GPC5: variants seen among roughly 807,000 people sequenced by gnomAD.
The protein encoded by GPC5 is glypican-5.
In GPC5, 47 loss-of-function variants were observed where a neutral mutation model predicts 53.9. The ratio of observed to expected loss-of-function variants is 0.87; its 90% confidence interval spans 0.69 to 1.11. The LOEUF (loss-of-function observed/expected upper bound fraction) is 1.11. Ranked by LOEUF, GPC5 falls within the 50% of genes most tolerant of loss-of-function variation. The pLI is 0.00. For missense variants in GPC5, 748 were observed against 713.1 expected (o/e 1.05, Z -0.56); for synonymous variants, 286 against 263.3 (o/e 1.09, Z -0.84).
intron 2 of GPC5, among the ~76,000 whole-genome samples, chr13:91,687,681 C>G (rs1456241420): frequency 6.6e-6 from 1 of 152,006 alleles, no homozygotes; most frequent in Non-Finnish European, 1.5e-5. Flanking sequence ...TCTTGATAGA[C>G]TTATTCTGAT....
At chr13:92,855,281 G>A (rs941405339) in intron 7 of GPC5, among the ~76,000 whole-genome samples, 1 of 151,888 alleles carries the variant, frequency 6.6e-6, no homozygotes, top group Non-Finnish European at 1.5e-5. Flanking sequence ...GATTAGGAAT[G>A]TATACATCCT....
chr13:92,580,226 T>C (rs1031155478), intron 7 of GPC5, among the ~76,000 whole-genome samples: 2 of 152,116 alleles, frequency 1.3e-5, no homozygotes, highest in South Asian at 2.1e-4. Flanking sequence ...GAATGACCCA[T>C]GTTGAGCAAA....
intron 2 of GPC5, among the ~76,000 whole-genome samples, chr13:91,550,408 T>A (rs2030564650): frequency 6.6e-6 from 1 of 152,158 alleles, no homozygotes; most frequent in Admixed American, 6.6e-5. Context: ...GTAACAAATG[T>A]ATCATTCTCA....
At chr13:91,916,664 G>A (rs2039662162) in intron 6 of GPC5, among the ~76,000 whole-genome samples, 1 of 152,130 alleles carries the variant, frequency 6.6e-6, no homozygotes, top group Non-Finnish European at 1.5e-5. Flanking sequence ...AAAGAAAAGA[G>A]GTTTAATTGA....
chr13:92,250,501 C>G (rs1370558773), intron 7 of GPC5, among the ~76,000 whole-genome samples: 2 of 152,068 alleles, frequency 1.3e-5, no homozygotes, highest in African/African-American at 4.8e-5. Flanking sequence ...CCTTACCCTT[C>G]TTTATGGCTA....
chr13:92,090,192 A>G (rs946136802), intron 6 of GPC5, among the ~76,000 whole-genome samples: 1 of 152,138 alleles, frequency 6.6e-6, no homozygotes, highest in Non-Finnish European at 1.5e-5. Flanking sequence ...TTTTATCATC[A>G]TACGTACAAC....
At chr13:92,015,406 T>G (rs1288766929) in intron 6 of GPC5, among the ~76,000 whole-genome samples, 1 of 152,134 alleles carries the variant, frequency 6.6e-6, no homozygotes. Context: ...CTAAATATAT[T>G]TATTGTGGTC....
In GPC5 at chr13:91,958,154, GAC is replaced by G. The variant is rs1427977480; in HGVS notation, c.1401+50101_1401+50102del. ...ACAAGAAACTCATCTCACCCCTAAA[GAC>G]ACATATAGACTGAAAGTAAAGTGGG... is the stretch of plus-strand genomic sequence containing the variant. On this transcript the variant is annotated intron_variant, in intron 6 of 7. Coordinates refer to ENST00000377067, the MANE Select transcript of GPC5 (RefSeq NM_004466.6). Among the ~76,000 whole-genome samples the G allele has an allele frequency of 1.2e-4, 18 of 147,492 alleles. 1 individual carries two copies. Among genetic ancestry groups the G allele is most frequent in the Admixed American group, 8.8e-4 (13 of 14,762 alleles).
chr13:92,416,452 C>A (rs981510848), intron 7 of GPC5, among the ~76,000 whole-genome samples: 8 of 152,150 alleles, frequency 5.3e-5, no homozygotes, highest in African/African-American at 1.9e-4. Flanking sequence ...TCAACAAGAG[C>A]TAAGACAAAG....
chr13:91,631,300 G>C (rs2034151962), intron 2 of GPC5, among the ~76,000 whole-genome samples: 1 of 152,028 alleles, frequency 6.6e-6, no homozygotes, highest in Non-Finnish European at 1.5e-5. Flanking sequence ...TAATGACATG[G>C]ACCTTGACGC....
At chr13:91,595,309 C>T (rs1302707035) in intron 2 of GPC5, among the ~76,000 whole-genome samples, 5 of 152,102 alleles carry the variant, frequency 3.3e-5, no homozygotes, top group East Asian at 1.9e-4. Context: ...GCACCGTGCC[C>T]GGCCCCTTAA....
Position 91,875,057 on chromosome 13 carries a change from C to T in GPC5, c.1281-32880C>T, listed in dbSNP as rs555845657. On this transcript the variant is annotated intron_variant, in intron 5 of 7. Transcript: ENST00000377067. ...AAATTATCAGGTAATCTCAAATCTC[C>T]AAGGCTGTTGCTGTGGGTTTCAATA... Among the ~76,000 whole-genome samples the T allele has an allele frequency of 2.3e-3, 350 of 152,234 alleles. 4 individuals are homozygous for T. Among genetic ancestry groups the T allele is most frequent in the African/African-American group, 7.9e-3 (328 of 41,558 alleles).
chr13:91,741,689 G>C (rs1448171454), intron 4 of GPC5, among the ~76,000 whole-genome samples: 1 of 152,046 alleles, frequency 6.6e-6, no homozygotes, highest in African/African-American at 2.4e-5. Flanking sequence ...CTTTATTAAT[G>C]AATCCAAAGT....
Position 92,817,373 on chromosome 13 carries a change from T to C in GPC5, c.1562-48909T>C, listed in dbSNP as rs9556219. 0.026 allele frequency among the ~76,000 whole-genome samples: 3,891 copies of C among 152,052 alleles called. 398 individuals carry two copies. The East Asian group carries it at 0.33, about 13-fold the overall frequency. ...CAATATCCTTTCAAATATTTCGGTT[T>C]GGGTACATACTTTTTTGATTTTTTA... On this transcript the variant is annotated intron_variant, in intron 7 of 7. Coordinates refer to ENST00000377067, the MANE Select transcript of GPC5 (RefSeq NM_004466.6).
intron 7 of GPC5, among the ~76,000 whole-genome samples, chr13:92,746,620 A>G (rs1452948254): frequency 2.6e-5 from 4 of 152,118 alleles, no homozygotes; most frequent in African/African-American, 9.6e-5. Context: ...TTTGAACTTC[A>G]TCAGAGTTTA....
chr13:91,785,754 A>G (rs761549445), intron 5 of GPC5, among the ~76,000 whole-genome samples: 1 of 152,168 alleles, frequency 6.6e-6, no homozygotes. Context: ...CACATTCCAC[A>G]TTAATCCACA....
At chr13:92,788,288 A>T (rs1381814685) in intron 7 of GPC5, among the ~76,000 whole-genome samples, 1 of 152,180 alleles carries the variant, frequency 6.6e-6, no homozygotes, top group Non-Finnish European at 1.5e-5. Context: ...GATGTTAAAC[A>T]ACAGCAAATG....
intron 7 of GPC5, among the ~76,000 whole-genome samples, chr13:92,383,803 A>C (rs1345716521): frequency 2.0e-5 from 3 of 152,210 alleles, no homozygotes; most frequent in African/African-American, 7.2e-5. Context: ...TTCTATTTAA[A>C]AAGTTTTTGA....
At chr13:91,706,628 A>G (rs1286033409) in intron 3 of GPC5, among the ~76,000 whole-genome samples, 1 of 152,098 alleles carries the variant, frequency 6.6e-6, no homozygotes, top group Non-Finnish European at 1.5e-5. Flanking sequence ...CTTATGATGG[A>G]TGGTACTTTT....
Sources: gnomAD v4.1 joint callset for allele counts (sites outside exome capture counted in the v4.1 genomes callset) on GRCh38, gnomAD v4.1.1 for gene constraint, MANE v1.5 for transcripts, NCBI Gene and HGNC (gene_info 2026-07-23, HGNC 2026-07-21) for gene names.